The following ERC2 variants were observed in gnomAD, a reference collection of about 807,000 sequenced individuals.
The protein encoded by ERC2 is ERC protein 2.
In ERC2, 42 loss-of-function variants were observed where a neutral mutation model predicts 114.8. The ratio of observed to expected loss-of-function variants is 0.37; its 90% confidence interval spans 0.29 to 0.47. The LOEUF (loss-of-function observed/expected upper bound fraction) is 0.47, where lower values mean the gene tolerates loss of function less well. ERC2 is among the 20% of genes least tolerant of loss of function. The pLI is 0.99. For synonymous variants in ERC2, 454 were observed against 425.5 expected (o/e 1.07, Z -0.82); for missense variants, 939 against 1,150.7 (o/e 0.82, Z 2.66).
chr3:56,227,717 G>A (rs889578282), intron 3 of ERC2, among the ~76,000 whole-genome samples: 3 of 152,294 alleles, frequency 2.0e-5, no homozygotes, highest in African/African-American at 7.2e-5. Flanking sequence ...TGCAAATCAG[G>A]AAAACCACTG....
chr3:55,572,440 G>A (rs1429463545), intron 17 of ERC2, among the ~76,000 whole-genome samples: 1 of 152,216 alleles, frequency 6.6e-6, no homozygotes, highest in East Asian at 1.9e-4. Flanking sequence ...GCAACAAAAA[G>A]AAGGAGCTGA....
chr3:55,806,837 C>T (rs911590356), intron 14 of ERC2, among the ~76,000 whole-genome samples: 3 of 152,194 alleles, frequency 2.0e-5, no homozygotes, highest in Admixed American at 6.5e-5. Flanking sequence ...ATGACTTATC[C>T]TCACTCAGCT....
chr3:56,232,011 C>T (rs1399975815), intron 3 of ERC2, among the ~76,000 whole-genome samples: 1 of 151,548 alleles, frequency 6.6e-6, no homozygotes, highest in Non-Finnish European at 1.5e-5. Context: ...TGCCCTGTTG[C>T]CCAGGCTGGA....
At chr3:55,761,902 G>T (rs1219189170) in intron 14 of ERC2, among the ~76,000 whole-genome samples, 6 of 148,682 alleles carry the variant, frequency 4.0e-5, no homozygotes, top group East Asian at 2.0e-4. Context: ...AAAGTATGTG[G>T]CTTTCTTTTC....
At chr3:56,453,986 C>T (rs572049932) in intron 1 of ERC2, among the ~76,000 whole-genome samples, 37 of 152,316 alleles carry the variant, frequency 2.4e-4, no homozygotes, top group Admixed American at 2.0e-3. Context: ...CATGCCTCCA[C>T]ACCAAAAGAA....
intron 13 of ERC2, among the ~76,000 whole-genome samples, chr3:55,928,820 G>C (rs1280266674): frequency 6.6e-6 from 1 of 152,134 alleles, no homozygotes; most frequent in Non-Finnish European, 1.5e-5. Context: ...TCATTCTTCT[G>C]TATATGGATG....
chr3:56,308,552 A>G (rs955465775), intron 2 of ERC2, among the ~76,000 whole-genome samples: 2 of 152,178 alleles, frequency 1.3e-5, no homozygotes, highest in African/African-American at 4.8e-5. Context: ...TGGAACACAC[A>G]ATTATTTAAA....
chr3:56,360,620 C>A (rs1234747717), intron 2 of ERC2, among the ~76,000 whole-genome samples: 1 of 152,076 alleles, frequency 6.6e-6, no homozygotes, highest in Admixed American at 6.6e-5. Context: ...AGTTTACCAA[C>A]CAGAAGGCCA....
At chr3:56,235,467 T>A (rs2150188014) in intron 3 of ERC2, among the ~76,000 whole-genome samples, 1 of 152,346 alleles carries the variant, frequency 6.6e-6, no homozygotes, top group East Asian at 1.9e-4. Context: ...AATGCTTTTT[T>A]GAAAAATAAG....
At chr3:55,787,849 A>G (rs2069639434) in intron 14 of ERC2, among the ~76,000 whole-genome samples, 1 of 152,196 alleles carries the variant, frequency 6.6e-6, no homozygotes, top group South Asian at 2.1e-4. Context: ...TCCTCCTGAA[A>G]CACATGGGCT....
At chr3:56,351,656 G>A (rs1196871251) in intron 2 of ERC2, among the ~76,000 whole-genome samples, 1 of 152,236 alleles carries the variant, frequency 6.6e-6, no homozygotes. Flanking sequence ...AAAGGCAGGA[G>A]AACTATTTTG....
intron 12 of ERC2, among the ~76,000 whole-genome samples, chr3:55,970,158 A>G (rs1281186413): frequency 6.6e-6 from 1 of 152,186 alleles, no homozygotes; most frequent in Non-Finnish European, 1.5e-5. Flanking sequence ...ACCATCAAAA[A>G]AGCAGTGCCA....
At chr3:56,399,963 T>C (rs900368460) in intron 2 of ERC2, among the ~76,000 whole-genome samples, 2 of 152,154 alleles carry the variant, frequency 1.3e-5, no homozygotes, top group Non-Finnish European at 2.9e-5. Flanking sequence ...AGTGAGCCTT[T>C]TAAAATATTA....
intron 14 of ERC2, among the ~76,000 whole-genome samples, chr3:55,847,999 G>A (rs943589407): frequency 6.6e-5 from 10 of 152,058 alleles, no homozygotes; most frequent in Non-Finnish European, 1.3e-4. Flanking sequence ...GTCTCGCTAT[G>A]TTGCCCAGGC....
At chr3:56,429,142 T>A (rs772590239) in intron 2 of ERC2, among the ~76,000 whole-genome samples, 3 of 152,246 alleles carry the variant, frequency 2.0e-5, no homozygotes, top group African/African-American at 7.2e-5. Flanking sequence ...TTCACTCCTA[T>A]GTTTCCTCTC....
intron 7 of ERC2, among the ~76,000 whole-genome samples, chr3:56,040,162 A>C (rs2075044374): frequency 6.6e-6 from 1 of 152,202 alleles, no homozygotes; most frequent in Admixed American, 6.5e-5. Flanking sequence ...CAAACTAAAA[A>C]GCTTTTGCAC....
At chr3:56,337,208 C>A (rs1470886487) in intron 2 of ERC2, among the ~76,000 whole-genome samples, 1 of 152,182 alleles carries the variant, frequency 6.6e-6, no homozygotes, top group Non-Finnish European at 1.5e-5. Flanking sequence ...TTCTGGAAAA[C>A]CGGATCTTCT....
At chr3:55,570,192 T>A (rs555081015) in intron 17 of ERC2, among the ~76,000 whole-genome samples, 1 of 152,136 alleles carries the variant, frequency 6.6e-6, no homozygotes, top group Non-Finnish European at 1.5e-5. Context: ...GTCTCTCCAT[T>A]TCTCCCAGGA....
At chr3:56,227,671 T>C (rs1308205817) in intron 3 of ERC2, among the ~76,000 whole-genome samples, 1 of 152,138 alleles carries the variant, frequency 6.6e-6, no homozygotes, top group African/African-American at 2.4e-5. Flanking sequence ...CTGGTGAGGA[T>C]GTGACACTAG....
Sources: gnomAD v4.1 joint callset for allele counts (sites outside exome capture counted in the v4.1 genomes callset) on GRCh38, gnomAD v4.1.1 for gene constraint, MANE v1.5 for transcripts, NCBI Gene and HGNC (gene_info 2026-07-23, HGNC 2026-07-21) for gene names.